Variants in GRAMD1B observed in about 807,000 individuals in gnomAD.
The protein encoded by GRAMD1B is GRAM domain containing 1B.
In GRAMD1B, 37 loss-of-function variants were observed where a neutral mutation model predicts 99.7. The observed-to-expected ratio is 0.37, with a 90% CI of 0.29 to 0.49. The LOEUF (loss-of-function observed/expected upper bound fraction) is 0.49, where lower values mean the gene tolerates loss of function less well. Among genes scored for constraint, GRAMD1B ranks in the 20% least tolerant of loss-of-function variants. GRAMD1B has a pLI of 0.98. For missense variants in GRAMD1B, 888 were observed against 1,009.2 expected, an observed-to-expected ratio of 0.88 and a Z score of 1.63; for synonymous variants, 427 against 387.6, an observed-to-expected ratio of 1.10 and a Z score of -1.19.
chr11:123,612,569 A>G (rs1318327837), intron 14 of GRAMD1B, among the ~76,000 whole-genome samples, 192 bp from the exon 15 acceptor site: 1 of 152,196 alleles, frequency 6.6e-6, no homozygotes, highest in Admixed American at 6.5e-5. Context: ...CAGTTTTCTT[A>G]TCTATAAAAT....
chr11:123,454,685 G>GTGAA (rs2134401439), intron 1 of GRAMD1B: 1 of 152,352 alleles, frequency 6.6e-6, no homozygotes, highest in South Asian at 2.1e-4. Context: ...AGGGCCCTAA[G>GTGAA]TGAATAGAGG....
chr11:123,584,874 T>C (rs576643643), intron 4 of GRAMD1B, among the ~76,000 whole-genome samples: 2 of 152,270 alleles, frequency 1.3e-5, no homozygotes, highest in Admixed American at 1.3e-4. Flanking sequence ...GTGGGGCCAC[T>C]GTCTAGGTCA....
intron 1 of GRAMD1B, among the ~76,000 whole-genome samples, chr11:123,366,121 A>G (rs1946312091): frequency 6.6e-6 from 1 of 152,248 alleles, no homozygotes; most frequent in South Asian, 2.1e-4. Context: ...AGCAATCAAT[A>G]GAAAATGCTA....
intron 1 of GRAMD1B, among the ~76,000 whole-genome samples, chr11:123,400,387 A>G (rs187819324): frequency 4.1e-4 from 62 of 152,290 alleles, no homozygotes; most frequent in African/African-American, 1.3e-3. Flanking sequence ...TGAGACAGGA[A>G]AAACGCTTGA....
At chr11:123,548,944 TAG>T (rs973686117) in intron 2 of GRAMD1B, among the ~76,000 whole-genome samples, 1 of 152,144 alleles carries the variant, frequency 6.6e-6, no homozygotes, top group African/African-American at 2.4e-5. Context: ...GTTTAGCATT[TAG>T]AGAGAGAGCG....
Position 123,526,051 on chromosome 11 carries a change from T to C in GRAMD1B, c.452+45158T>C, listed in dbSNP as rs554654768. ...AGTCACATTACATGGGATTCTGTTC[T>C]TTTGGGACTTCGTCATCTTTTCCAA... is the stretch of plus-strand genomic sequence containing the variant. On this transcript the variant is annotated intron_variant, in intron 2 of 19. Transcript: ENST00000635736. 3.1e-4 allele frequency: 325 copies of C among 1,035,558 alleles called. 6 individuals carry two copies. The South Asian group carries it at 4.2e-3, about 13-fold the overall frequency. The allele number at this position is 1,035,558 out of a possible 1,614,324, so 64.1% of individuals were successfully genotyped here.
upstream of GRAMD1B, among the ~76,000 whole-genome samples, chr11:123,429,151 C>A (rs181305524): frequency 6.6e-6 from 1 of 152,238 alleles, no homozygotes; most frequent in Admixed American, 6.5e-5. This position sits in a 1 kb window ranked among gnomAD's most constrained non-coding sequence, Gnocchi z 4.0. Flanking sequence ...CATGACTGCA[C>A]CACTGCACTC....
At chr11:123,464,013 G>A (rs1338148499) in intron 1 of GRAMD1B, among the ~76,000 whole-genome samples, 1 of 152,046 alleles carries the variant, frequency 6.6e-6, no homozygotes, top group Non-Finnish European at 1.5e-5. Context: ...GACTAGAGCT[G>A]TTTTAGAAGA....
At chr11:123,408,195 G>A (rs1947920236) in intron 1 of GRAMD1B, among the ~76,000 whole-genome samples, 1 of 152,150 alleles carries the variant, frequency 6.6e-6, no homozygotes, top group Admixed American at 6.5e-5. Context: ...CAGCTTTTGT[G>A]GACTTAACGC....
chr11:123,363,402 A>G (rs1440197975), intron 1 of GRAMD1B, among the ~76,000 whole-genome samples: 2 of 152,192 alleles, frequency 1.3e-5, no homozygotes, highest in African/African-American at 2.4e-5. Flanking sequence ...AGTGGCAGAC[A>G]TGAAGCCTGG....
intron 8 of GRAMD1B, among the ~76,000 whole-genome samples, chr11:123,601,515 A>ATGTGTGTGTGTGTGTG (rs4063751): frequency 1.7e-4 from 25 of 148,920 alleles, no homozygotes; most frequent in African/African-American, 5.9e-4. Context: ...ATTAATTTTT[A>ATGTGTGTGTGTGTGTG]TGTGTGTGTG....
chr11:123,456,677 T>C (rs956573212), intron 1 of GRAMD1B, among the ~76,000 whole-genome samples: 4 of 151,928 alleles, frequency 2.6e-5, no homozygotes, highest in African/African-American at 9.7e-5. Flanking sequence ...TCCAGCACTT[T>C]GGGAGGCTGA....
At chr11:123,418,411 T>C (rs1948308362) in intron 1 of GRAMD1B, among the ~76,000 whole-genome samples, 1 of 152,188 alleles carries the variant, frequency 6.6e-6, no homozygotes, top group Admixed American at 6.5e-5. Context: ...TTGACTGAAC[T>C]CCGATTCAGG....
chr11:123,534,059 C>T (rs980092664), intron 2 of GRAMD1B, among the ~76,000 whole-genome samples: 3 of 152,204 alleles, frequency 2.0e-5, no homozygotes, highest in African/African-American at 7.2e-5. Context: ...GGGGCACCAA[C>T]GCCCATGCAG....
intron 1 of GRAMD1B, among the ~76,000 whole-genome samples, chr11:123,385,660 G>A (rs1386975768): frequency 1.3e-5 from 2 of 152,116 alleles, no homozygotes; most frequent in Non-Finnish European, 2.9e-5. Flanking sequence ...TGTAGTGTGG[G>A]TGAGTTTGGT....
chr11:123,403,056 A>C (rs1308415851), intron 1 of GRAMD1B, among the ~76,000 whole-genome samples: 1 of 152,124 alleles, frequency 6.6e-6, no homozygotes, highest in African/African-American at 2.4e-5. Context: ...GCTTCTTCAG[A>C]AGCCCTCTGT....
intron 1 of GRAMD1B, among the ~76,000 whole-genome samples, chr11:123,478,360 A>G (rs1322542465): frequency 6.6e-6 from 1 of 152,210 alleles, no homozygotes; most frequent in Non-Finnish European, 1.5e-5. Context: ...TCGTGTACAC[A>G]TAGCGTGATG....
intron 2 of GRAMD1B, among the ~76,000 whole-genome samples, chr11:123,574,482 T>C (rs1565396019): frequency 6.6e-6 from 1 of 152,154 alleles, no homozygotes; most frequent in East Asian, 1.9e-4. Context: ...CAGAATTCCT[T>C]GAACCTGAAC....
intron 1 of GRAMD1B, among the ~76,000 whole-genome samples, chr11:123,454,146 C>T (rs1050319251): frequency 1.3e-5 from 2 of 152,230 alleles, no homozygotes; most frequent in African/African-American, 4.8e-5. Flanking sequence ...TTTGCATCAT[C>T]AGCTTCCTCT....
Sources: allele counts gnomAD v4.1 joint callset (sites outside exome capture counted in the v4.1 genomes callset), GRCh38; gene constraint gnomAD v4.1.1; non-coding constraint Gnocchi (gnomAD v3.1); transcripts MANE v1.5; gene names NCBI Gene and HGNC (gene_info 2026-07-23, HGNC 2026-07-21).